The following PEX7 variants were observed in gnomAD, a reference collection of about 807,000 sequenced individuals.
The protein encoded by PEX7 is PTS2 receptor.
Under a neutral mutation model 47.5 loss-of-function variants are expected in PEX7, and 34 were observed. The ratio of observed to expected loss-of-function variants is 0.72; its 90% CI spans 0.54 to 0.95. The LOEUF (loss-of-function observed/expected upper bound fraction) is 0.95. Ranked by LOEUF, PEX7 falls within the 40% of genes least tolerant of loss-of-function variation. The pLI, the probability that PEX7 is intolerant of heterozygous loss-of-function variation, is 0.00. For missense variants in PEX7, 394 were observed against 400.3 expected (o/e 0.98, Z 0.13); for synonymous variants, 141 against 148.8 (o/e 0.95, Z 0.38).
chr6:136,829,856 G>A (rs1774262359), intron 3 of PEX7: 4 of 606,366 alleles, frequency 6.6e-6, no homozygotes, highest in Non-Finnish European at 8.8e-6. Flanking sequence ...AGAATCATTT[G>A]AGCATGGGAG....
intron 3 of PEX7, among the ~76,000 whole-genome samples, chr6:136,837,812 C>CCACA (rs34680868): frequency 0.072 from 10,577 of 146,706 alleles, 1,017 homozygotes; most frequent in African/African-American, 0.22. Context: ...AATTTAAACG[C>CCACA]CACACACACA....
chr6:136,880,690 G>T (rs1289018518), intron 8 of PEX7, among the ~76,000 whole-genome samples: 1 of 152,154 alleles, frequency 6.6e-6, no homozygotes, highest in Non-Finnish European at 1.5e-5. Flanking sequence ...GATTTACATG[G>T]CCTCATTGCC....
intron 9 of PEX7, among the ~76,000 whole-genome samples, chr6:136,899,524 A>G (rs563027736): frequency 1.2e-3 from 187 of 152,220 alleles, no homozygotes; most frequent in Admixed American, 2.2e-3. Flanking sequence ...GATTACAGAC[A>G]TGAACCACCG....
Position 136,823,166 on chromosome 6 carries a change from G to T in PEX7, c.130+371G>T, listed in dbSNP as rs190270416. 8.3e-4 allele frequency: 818 copies of T among 985,374 alleles called. 3 individuals carry two copies. The African/African-American group carries it at 0.013, about 16-fold the overall frequency. The allele number at this position is 985,374 out of a possible 1,614,324, so 61.0% of individuals were successfully genotyped here. ...ATCGGTCCGCTCGGCACAGCAGTAC[G>T]GGGAAGACGGTCTGAGCCAGAACCG... On this transcript the variant is annotated intron_variant, in intron 1 of 9. Transcript: ENST00000318471.
chr6:136,886,361 A>G (rs1775468218), intron 8 of PEX7, among the ~76,000 whole-genome samples: 1 of 152,158 alleles, frequency 6.6e-6, no homozygotes, highest in South Asian at 2.1e-4. Context: ...TGACTCCTCT[A>G]TTTACTAGTT....
intron 8 of PEX7, among the ~76,000 whole-genome samples, chr6:136,880,481 G>A (rs1775357759): frequency 6.6e-6 from 1 of 152,158 alleles, no homozygotes; most frequent in African/African-American, 2.4e-5. Flanking sequence ...GTACCATTCA[G>A]TGTTCCCCAC....
At chr6:136,837,871 G>A (rs1034473393) in intron 3 of PEX7, among the ~76,000 whole-genome samples, 4 of 151,760 alleles carry the variant, frequency 2.6e-5, no homozygotes, top group Non-Finnish European at 5.9e-5. Context: ...GTCCTTACGT[G>A]GAGATGGAGT....
intron 8 of PEX7, 50 bp downstream of exon 8, chr6:136,872,303 C>T: frequency 7.1e-7 from 1 of 1,404,504 alleles, no homozygotes; most frequent in South Asian, 1.2e-5. Flanking sequence ...GTAACATTTG[C>T]ATCTTTGCAA....
chr6:136,853,006 A>G (rs7739028), intron 5 of PEX7, among the ~76,000 whole-genome samples: 87,058 of 137,956 alleles, frequency 0.63, 27,706 homozygotes, highest in African/African-American at 0.68. Flanking sequence ...AAATAATGCC[A>G]CATATCTACA....
chr6:136,854,314 A>G (rs1774819407), intron 5 of PEX7, among the ~76,000 whole-genome samples: 1 of 152,036 alleles, frequency 6.6e-6, no homozygotes, highest in Admixed American at 6.6e-5. Flanking sequence ...CTCCTGCCTC[A>G]GCCTTCTGAG....
At chr6:136,829,950 TA>T (rs961823587) in intron 3 of PEX7, 410 of 544,960 alleles carry the variant, frequency 7.5e-4, no homozygotes, top group Admixed American at 1.4e-3. Flanking sequence ...AGAAAGTTAT[TA>T]AAAAAAAAAG....
intron 3 of PEX7, among the ~76,000 whole-genome samples, chr6:136,827,705 G>T (rs1359583305): frequency 2.0e-5 from 3 of 152,094 alleles, no homozygotes; most frequent in Non-Finnish European, 4.4e-5. Flanking sequence ...GCTAATTTTT[G>T]TATTTTTAGT....
chr6:136,847,619 T>G (rs1774632277), intron 5 of PEX7, among the ~76,000 whole-genome samples: 1 of 151,796 alleles, frequency 6.6e-6, no homozygotes, highest in Admixed American at 6.6e-5. Context: ...CCCCATTGCT[T>G]GTTTTTCTCA....
chr6:136,847,662 C>T (rs569352510), intron 5 of PEX7, among the ~76,000 whole-genome samples: 195 of 151,560 alleles, frequency 1.3e-3, no homozygotes, highest in Admixed American at 1.9e-3. Flanking sequence ...TGTAGATATG[C>T]GGCATTATTT....
chr6:136,879,926 A>C (rs1775347974), intron 8 of PEX7, among the ~76,000 whole-genome samples: 2 of 151,840 alleles, frequency 1.3e-5, no homozygotes, highest in African/African-American at 4.8e-5. Flanking sequence ...TTTATTTGTG[A>C]AATGATTTTG....
chr6:136,874,794 G>A (rs1775241536), intron 8 of PEX7, among the ~76,000 whole-genome samples: 1 of 151,818 alleles, frequency 6.6e-6, no homozygotes, highest in South Asian at 2.1e-4. Flanking sequence ...CTAGTGGTAT[G>A]TTTATTTTGT....
chr6:136,853,020 A>C (rs1287845006), intron 5 of PEX7, among the ~76,000 whole-genome samples: 3 of 148,900 alleles, frequency 2.0e-5, no homozygotes, highest in Non-Finnish European at 4.5e-5. Flanking sequence ...ATCTACAACT[A>C]TCTGATCTTT....
chr6:136,829,252 G>T (rs1774250554), intron 3 of PEX7, among the ~76,000 whole-genome samples: 1 of 152,198 alleles, frequency 6.6e-6, no homozygotes, highest in African/African-American at 2.4e-5. Context: ...GCCTTATAAA[G>T]AACAGAAATT....
chr6:136,854,301 A>G (rs1467508219), intron 5 of PEX7, among the ~76,000 whole-genome samples: 2 of 152,068 alleles, frequency 1.3e-5, no homozygotes, highest in African/African-American at 4.8e-5. Context: ...GGTTCAAGCA[A>G]TTCTCCTGCC....
Sources: allele counts gnomAD v4.1 joint callset (sites outside exome capture counted in the v4.1 genomes callset), GRCh38; gene constraint gnomAD v4.1.1; transcripts MANE v1.5; gene names NCBI Gene and HGNC (gene_info 2026-07-23, HGNC 2026-07-21).